Variants in MEIKIN observed in about 807,000 individuals in gnomAD.
MEIKIN encodes meiosis-specific kinetochore protein.
chr5:131,908,375 A>G (rs915029914), intron 8 of MEIKIN, among the ~76,000 whole-genome samples: 1 of 152,218 alleles, frequency 6.6e-6, no homozygotes, highest in Admixed American at 6.5e-5. Flanking sequence ...ATAAAATTCA[A>G]CATCCGTTCA....
intron 5 of MEIKIN, among the ~76,000 whole-genome samples, chr5:131,928,670 A>G (rs1028577660): frequency 2.0e-5 from 3 of 152,212 alleles, no homozygotes; most frequent in South Asian, 2.1e-4. Context: ...GTATACTACT[A>G]TAACAGTATT....
At chr5:131,902,814 A>G (rs746780807) in intron 8 of MEIKIN, among the ~76,000 whole-genome samples, 18 of 152,208 alleles carry the variant, frequency 1.2e-4, no homozygotes, top group Non-Finnish European at 2.5e-4. Context: ...GATGGCTGAA[A>G]TGACAGAAAT....
chr5:131,867,611 G>T (rs1750408036), intron 9 of MEIKIN, among the ~76,000 whole-genome samples: 1 of 152,114 alleles, frequency 6.6e-6, no homozygotes, highest in African/African-American at 2.4e-5. Flanking sequence ...ACATCATATG[G>T]TTGGAATCAC....
chr5:131,940,523 TGTTTC>T (rs1385580877), intron 4 of MEIKIN, among the ~76,000 whole-genome samples: 3 of 152,260 alleles, frequency 2.0e-5, no homozygotes, highest in Admixed American at 6.5e-5. Context: ...TAGTTCTGTT[TGTTTC>T]ATTTGTTGCC....
intron 8 of MEIKIN, among the ~76,000 whole-genome samples, chr5:131,887,517 A>G (rs74435658): frequency 0.027 from 4,059 of 152,108 alleles, 191 homozygotes; most frequent in African/African-American, 0.092. Flanking sequence ...TGACTTTTTC[A>G]TGATCACCAT....
chr5:131,846,162 C>T (rs1484614236), intron 11 of MEIKIN, among the ~76,000 whole-genome samples: 2 of 152,154 alleles, frequency 1.3e-5, no homozygotes, highest in Non-Finnish European at 2.9e-5. Context: ...ACCAAATATC[C>T]TACATCCAGT....
intron 11 of MEIKIN, among the ~76,000 whole-genome samples, chr5:131,847,024 G>A (rs1305150107): frequency 6.6e-6 from 1 of 151,732 alleles, no homozygotes; most frequent in Non-Finnish European, 1.5e-5. Context: ...TAATCCCTCT[G>A]GTAACCACAA....
intron 9 of MEIKIN, among the ~76,000 whole-genome samples, chr5:131,869,404 T>C (rs1293668587): frequency 6.6e-6 from 1 of 152,218 alleles, no homozygotes; most frequent in Non-Finnish European, 1.5e-5. Flanking sequence ...AAGTCTTAAA[T>C]ACAGGCAGTA....
At chr5:131,870,837 G>C (rs1750477049) in intron 9 of MEIKIN, among the ~76,000 whole-genome samples, 1 of 151,898 alleles carries the variant, frequency 6.6e-6, no homozygotes, top group African/African-American at 2.4e-5. Flanking sequence ...CCTACTAATG[G>C]GTCTCCCTAT....
chr5:131,924,076 C>G (rs1279028941), intron 5 of MEIKIN, among the ~76,000 whole-genome samples: 1 of 152,016 alleles, frequency 6.6e-6, no homozygotes, highest in Admixed American at 6.6e-5. Context: ...GTGGAAATAT[C>G]AAGTATTCGA....
At chr5:131,870,976 A>T (rs903295913) in intron 9 of MEIKIN, among the ~76,000 whole-genome samples, 14 of 152,210 alleles carry the variant, frequency 9.2e-5, no homozygotes, top group African/African-American at 3.4e-4. Context: ...ATGAAAATCT[A>T]AACCTCAGTT....
chr5:131,933,079 A>C lies in MEIKIN; in HGVS notation c.478+434T>G, dbSNP rs947709612. Among the ~76,000 whole-genome samples the C allele has an allele frequency of 2.0e-5, 3 of 152,184 alleles. No homozygotes were observed. The East Asian group carries it at 5.8e-4, about 29-fold the overall frequency. On this transcript the variant is annotated intron_variant, in intron 5 of 12. Coordinates refer to ENST00000442687, the MANE Select transcript of MEIKIN (RefSeq NM_001303622.2). ...GCATGTATTTGATCTGCCATCATTA[A>C]CCAAAGGTTATATTTATATGTATAA...
At chr5:131,888,576 A>C (rs1561745346) in intron 8 of MEIKIN, among the ~76,000 whole-genome samples, 1 of 151,628 alleles carries the variant, frequency 6.6e-6, no homozygotes, top group Non-Finnish European at 1.5e-5. Flanking sequence ...TTTCTTGTAA[A>C]TTTGTTTGAG....
intron 12 of MEIKIN, among the ~76,000 whole-genome samples, chr5:131,817,407 C>T (rs1300156224): frequency 6.6e-6 from 1 of 151,916 alleles, no homozygotes; most frequent in South Asian, 2.1e-4. Context: ...GTCACGAGAT[C>T]GAGACCATCC....
At chr5:131,856,094 A>G (rs931418514) in intron 9 of MEIKIN, among the ~76,000 whole-genome samples, 2 of 152,202 alleles carry the variant, frequency 1.3e-5, no homozygotes, top group African/African-American at 2.4e-5. Flanking sequence ...GGAATAGTTT[A>G]TTAGGAAAAT....
intron 4 of MEIKIN, among the ~76,000 whole-genome samples, chr5:131,934,573 T>A (rs745669902): frequency 6.0e-4 from 91 of 152,128 alleles, no homozygotes; most frequent in Non-Finnish European, 8.1e-4. Flanking sequence ...AGAAATTAAC[T>A]CTAAATGCAT....
intron 11 of MEIKIN, among the ~76,000 whole-genome samples, chr5:131,846,176 A>C (rs887449983): frequency 6.6e-6 from 1 of 152,226 alleles, no homozygotes; most frequent in Non-Finnish European, 1.5e-5. Context: ...ATCCAGTAAA[A>C]CTGTCCTTCA....
At chr5:131,865,622 T>C (rs1224038575) in intron 9 of MEIKIN, among the ~76,000 whole-genome samples, 4 of 152,342 alleles carry the variant, frequency 2.6e-5, no homozygotes, top group African/African-American at 7.2e-5. Context: ...CTTACATTGA[T>C]ATCTGTGCAT....
Position 131,942,644 on chromosome 5 carries a change from G to C in MEIKIN, c.340C>G (p.Leu114Val). 2.5e-6 allele frequency: 1 copy of C among 398,446 alleles called. No homozygotes were observed. Among genetic ancestry groups the C allele is most frequent in the Non-Finnish European group, 4.4e-6 (1 of 225,746 alleles). 24.7% of individuals were successfully genotyped at this position (398,446 alleles called of 1,614,324 possible). Residue 114 changes from leucine (L) to valine (V), a missense_variant, in exon 4 of 13, where the codon CTA becomes GTA. Coordinates refer to ENST00000442687, the MANE Select transcript of MEIKIN (RefSeq NM_001303622.2). ...CATTTGACAGTCTTACCTGATACTA[G>C]TTCACTATTTGATGAACTACTATCA... The part of the protein sequence containing the change: ...QVDSSSSNSE[L>V]VSGLSLHHGM...
Sources: allele counts gnomAD v4.1 joint callset (sites outside exome capture counted in the v4.1 genomes callset), GRCh38; gene constraint gnomAD v4.1.1; transcripts MANE v1.5; gene names NCBI Gene and HGNC (gene_info 2026-07-23, HGNC 2026-07-21).